The following TG variants were observed in gnomAD, a reference collection of about 807,000 sequenced individuals.
The protein encoded by TG is thyroid hormones.
Under a neutral mutation model 324.7 loss-of-function variants are expected in TG, and 270 were observed. That is an observed-to-expected ratio of 0.83 (90% CI 0.75 to 0.92). The LOEUF (loss-of-function observed/expected upper bound fraction) is 0.92. Ranked by LOEUF, TG falls within the 40% of genes least tolerant of loss-of-function variation. TG has a pLI of 0.00. For missense variants in TG, 3,591 were observed against 3,456.4 expected (o/e 1.04, Z -0.98); for synonymous variants, 1,401 against 1,327.0 (o/e 1.06, Z -1.21).
chr8:133,109,648 CA>C (rs1246691151), intron 43 of TG, among the ~76,000 whole-genome samples: 1 of 152,156 alleles, frequency 6.6e-6, no homozygotes, highest in African/African-American at 2.4e-5. Flanking sequence ...CTCTCTGAGC[CA>C]GTTTCCTTGT....
At chr8:133,008,497 T>G (rs924756729) in intron 35 of TG, among the ~76,000 whole-genome samples, 15 of 151,188 alleles carry the variant, frequency 9.9e-5, no homozygotes, top group Admixed American at 4.6e-4. Context: ...GAACTAAAAA[T>G]AGAAAAATGA....
intron 41 of TG, among the ~76,000 whole-genome samples, chr8:133,036,112 A>G (rs1837094820): frequency 6.6e-6 from 1 of 151,982 alleles, no homozygotes; most frequent in South Asian, 2.1e-4. Context: ...CTGACTCCAT[A>G]CACTTCCTAG....
At chr8:132,891,092 G>C (rs1316189583) in intron 10 of TG, among the ~76,000 whole-genome samples, 1 of 152,114 alleles carries the variant, frequency 6.6e-6, no homozygotes, top group East Asian at 1.9e-4. Flanking sequence ...GCGGTGGAGG[G>C]CGCTCAGAGA....
intron 32 of TG, among the ~76,000 whole-genome samples, chr8:132,970,235 ATTGAT>A (rs1184032725): frequency 6.6e-6 from 1 of 151,996 alleles, no homozygotes; most frequent in African/African-American, 2.4e-5. Flanking sequence ...TTATTTTATG[ATTGAT>A]TTATTTGCTT....
At chr8:132,984,631 C>A (rs1271590446) in intron 35 of TG, among the ~76,000 whole-genome samples, 2 of 151,984 alleles carry the variant, frequency 1.3e-5, no homozygotes, top group African/African-American at 2.4e-5. Context: ...ATCAAAAAGT[C>A]CCAAAAGATT....
intron 43 of TG, among the ~76,000 whole-genome samples, chr8:133,103,651 T>G (rs770761420): frequency 2.0e-5 from 3 of 152,232 alleles, no homozygotes; most frequent in Non-Finnish European, 4.4e-5. Flanking sequence ...CTTTTGTGAG[T>G]TCCTAAAAGT....
chr8:132,963,563 T>G (rs1026873810), intron 29 of TG, among the ~76,000 whole-genome samples: 2 of 152,032 alleles, frequency 1.3e-5, no homozygotes, highest in African/African-American at 2.4e-5. Context: ...CCAGAGTCTG[T>G]GATTATTATT....
At chr8:132,869,858 G>T (rs1839318532) in intron 3 of TG, 32 bp downstream of exon 3, 3 of 1,595,204 alleles carry the variant, frequency 1.9e-6, no homozygotes, top group South Asian at 1.1e-5. Context: ...CCCTTGGAGG[G>T]ACCCTGCTAG....
intron 17 of TG, among the ~76,000 whole-genome samples, chr8:132,907,519 A>C (rs1818865168): frequency 6.6e-6 from 1 of 152,128 alleles, no homozygotes; most frequent in African/African-American, 2.4e-5. Flanking sequence ...TGGGAAGGGC[A>C]TCTGGGAGAG....
intron 41 of TG, chr8:133,076,670 G>A (rs570374699): frequency 6.0e-4 from 89 of 148,826 alleles, no homozygotes; most frequent in African/African-American, 2.2e-3. Context: ...AAAGAATCTA[G>A]TACAGATGAA....
chr8:132,969,374 G>A (rs909258115), intron 31 of TG, 84 bp from the exon 32 acceptor site: 1 of 948,986 alleles, frequency 1.1e-6, no homozygotes, highest in Admixed American at 1.7e-5. Flanking sequence ...GAAACTTTCA[G>A]TCTGTATTTT....
chr8:132,983,081 C>T (rs1033580051), intron 34 of TG, among the ~76,000 whole-genome samples: 8 of 152,064 alleles, frequency 5.3e-5, no homozygotes, highest in Admixed American at 2.0e-4. Flanking sequence ...CCTTGAGAGA[C>T]GATAACATAG....
chr8:133,040,944 A>G (rs1838102781), intron 41 of TG, among the ~76,000 whole-genome samples: 1 of 152,256 alleles, frequency 6.6e-6, no homozygotes, highest in Non-Finnish European at 1.5e-5. Flanking sequence ...AAATCTCTGT[A>G]TAAAATGTCT....
intron 39 of TG, 53 bp downstream of exon 39, chr8:133,019,748 T>G: frequency 1.3e-6 from 2 of 1,490,014 alleles, no homozygotes; most frequent in Middle Eastern, 1.7e-4. Flanking sequence ...CCATTAGAAA[T>G]CCACTGTCCC....
intron 41 of TG, among the ~76,000 whole-genome samples, chr8:133,081,858 T>A (rs1298694832): frequency 2.0e-5 from 3 of 152,192 alleles, no homozygotes; most frequent in African/African-American, 7.2e-5. Flanking sequence ...GCTGCACTCC[T>A]GTGTAAGCCT....
chr8:133,063,578 A>G (rs1381589959), intron 41 of TG: 1 of 151,892 alleles, frequency 6.6e-6, no homozygotes, highest in African/African-American at 2.4e-5. Context: ...AAAGAAACGT[A>G]CCCAGGGTCA....
intron 45 of TG, among the ~76,000 whole-genome samples, chr8:133,119,463 A>C (rs1850967326): frequency 6.6e-6 from 1 of 152,190 alleles, no homozygotes; most frequent in African/African-American, 2.4e-5. Flanking sequence ...GAAGTCCAAG[A>C]TCAAGGCATG....
intron 41 of TG, chr8:133,072,819 C>A (rs967989953): frequency 9.4e-5 from 14 of 149,094 alleles, no homozygotes; most frequent in Admixed American, 4.0e-4. Flanking sequence ...TAGTTTGCTG[C>A]AATGCAAACC....
At chr8:132,984,944 A>C (rs1191479827) in intron 35 of TG, among the ~76,000 whole-genome samples, 1 of 151,966 alleles carries the variant, frequency 6.6e-6, no homozygotes, top group African/African-American at 2.4e-5. Context: ...CAAAAAAAAA[A>C]AAAAAGCAAA....
Sources: gnomAD v4.1 joint callset for allele counts (sites outside exome capture counted in the v4.1 genomes callset) on GRCh38, gnomAD v4.1.1 for gene constraint, MANE v1.5 for transcripts, NCBI Gene and HGNC (gene_info 2026-07-23, HGNC 2026-07-21) for gene names.